The following ITGBL1 variants were observed in gnomAD, a reference collection of about 807,000 sequenced individuals.
ITGBL1 encodes the protein integrin subunit beta like 1.
Under a neutral mutation model 68.5 loss-of-function variants are expected in ITGBL1, and 51 were observed. The observed-to-expected ratio is 0.74, with a 90% CI of 0.59 to 0.94. The LOEUF (loss-of-function observed/expected upper bound fraction) is 0.94, where lower values mean the gene tolerates loss of function less well. ITGBL1 is among the 40% of genes least tolerant of loss of function. The pLI is 0.00. For synonymous variants in ITGBL1, 209 were observed against 227.3 expected, an observed-to-expected ratio of 0.92 and a Z score of 0.72; for missense variants, 649 against 647.4, an observed-to-expected ratio of 1.00 and a Z score of -0.03.
At chr13:101,515,304 A>T (rs942721439) in intron 2 of ITGBL1, among the ~76,000 whole-genome samples, 2 of 152,106 alleles carry the variant, frequency 1.3e-5, no homozygotes, top group Admixed American at 1.3e-4. Flanking sequence ...AGCTAGCTAT[A>T]TAAATAATCC....
chr13:101,540,387 G>C (rs1361844788), intron 2 of ITGBL1, among the ~76,000 whole-genome samples: 2 of 151,960 alleles, frequency 1.3e-5, no homozygotes, highest in South Asian at 4.2e-4. Flanking sequence ...ATTTCTGAGG[G>C]CTCTGTTCTG....
At chr13:101,706,176 T>C (rs1417669510) in intron 8 of ITGBL1, among the ~76,000 whole-genome samples, 1 of 152,072 alleles carries the variant, frequency 6.6e-6, no homozygotes, top group East Asian at 1.9e-4. Context: ...CCAAAAAAAA[T>C]GTGCCAAACA....
intron 7 of ITGBL1, among the ~76,000 whole-genome samples, chr13:101,631,784 C>T (rs1260796432): frequency 1.3e-5 from 2 of 152,038 alleles, no homozygotes; most frequent in Non-Finnish European, 2.9e-5. Context: ...AAATGAAAGT[C>T]AAGAGGGTCT....
intron 7 of ITGBL1, among the ~76,000 whole-genome samples, chr13:101,600,062 T>C (rs373991046): frequency 1.6e-4 from 25 of 152,312 alleles, no homozygotes; most frequent in African/African-American, 5.1e-4. Flanking sequence ...ATTCTTCCTA[T>C]CCATGAGCAT....
At chr13:101,620,090 A>T (rs1452657867) in intron 7 of ITGBL1, among the ~76,000 whole-genome samples, 1 of 152,174 alleles carries the variant, frequency 6.6e-6, no homozygotes, top group Non-Finnish European at 1.5e-5. Context: ...TTTTCTATTT[A>T]AATGGCCCAT....
At chr13:101,546,976 GAAT>G (rs1445400603) in intron 2 of ITGBL1, among the ~76,000 whole-genome samples, 1 of 151,564 alleles carries the variant, frequency 6.6e-6, no homozygotes, top group Non-Finnish European at 1.5e-5. Context: ...AGAAAGAAAA[GAAT>G]AATAAAACCA....
At chr13:101,504,689 C>A (rs980613529) in intron 2 of ITGBL1, among the ~76,000 whole-genome samples, 5 of 152,110 alleles carry the variant, frequency 3.3e-5, no homozygotes, top group South Asian at 2.1e-4. Flanking sequence ...CTCTCCTTAG[C>A]TTTTTATACC....
chr13:101,556,601 C>T (rs1329096158), intron 2 of ITGBL1, among the ~76,000 whole-genome samples: 1 of 151,934 alleles, frequency 6.6e-6, no homozygotes, highest in African/African-American at 2.4e-5. Flanking sequence ...CATTGCACTC[C>T]AGCCTGGGCA....
At chr13:101,562,666 A>G (rs1198240851) in intron 2 of ITGBL1, among the ~76,000 whole-genome samples, 1 of 151,948 alleles carries the variant, frequency 6.6e-6, no homozygotes, top group Non-Finnish European at 1.5e-5. Flanking sequence ...TTCAAAATAC[A>G]TAAATTTAAA....
chr13:101,494,239 A>T (rs899084362), intron 2 of ITGBL1, among the ~76,000 whole-genome samples: 1 of 152,200 alleles, frequency 6.6e-6, no homozygotes, highest in Non-Finnish European at 1.5e-5. Flanking sequence ...TATGCGGCTT[A>T]CTTAAAGTCT....
chr13:101,519,356 T>C (rs949764844), intron 2 of ITGBL1, among the ~76,000 whole-genome samples: 2 of 152,146 alleles, frequency 1.3e-5, no homozygotes, highest in African/African-American at 2.4e-5. Context: ...GTAGTGCAAA[T>C]TAAAAACTGA....
At chr13:101,515,219 G>A (rs2049176450) in intron 2 of ITGBL1, among the ~76,000 whole-genome samples, 1 of 152,034 alleles carries the variant, frequency 6.6e-6, no homozygotes, top group African/African-American at 2.4e-5. Flanking sequence ...AAATCTGGAT[G>A]TAAATCCATT....
At chr13:101,650,864 A>G (rs2032728541) in intron 7 of ITGBL1, among the ~76,000 whole-genome samples, 1 of 151,910 alleles carries the variant, frequency 6.6e-6, no homozygotes, top group Non-Finnish European at 1.5e-5. Context: ...ATGTGTTCTC[A>G]TTGTTAAGCT....
At chr13:101,655,073 C>A (rs562641298) in intron 7 of ITGBL1, among the ~76,000 whole-genome samples, 1 of 152,214 alleles carries the variant, frequency 6.6e-6, no homozygotes, top group Admixed American at 6.5e-5. Flanking sequence ...CTTTTGGTGG[C>A]GTGCAATCTG....
Position 101,452,698 on chromosome 13 carries a change from C to CG in ITGBL1, c.-134dup. ...GCAATTGCAACTCCGGCTGGAGCCC[C>CG]GGACCTGCAAGCCTGGGTGTCCGTG... On this transcript the variant is annotated 5_prime_UTR_variant, in exon 1 of 11. Coordinates refer to ENST00000376180, the MANE Select transcript of ITGBL1 (RefSeq NM_004791.3). 1 of 687,728 alleles carries CG rather than the reference C, an allele frequency of 1.5e-6. No individual in the cohort carries two copies. The highest frequency in any genetic ancestry group is 2.6e-6 in the Non-Finnish European group (1 of 385,248). 42.6% of individuals were successfully genotyped at this position (687,728 alleles called of 1,614,324 possible).
At chr13:101,544,522 G>C (rs940611098) in intron 2 of ITGBL1, among the ~76,000 whole-genome samples, 8 of 152,208 alleles carry the variant, frequency 5.3e-5, no homozygotes, top group African/African-American at 1.9e-4. Flanking sequence ...TGAGGAGGCA[G>C]TCTGTCTGTT....
chr13:101,515,907 A>C (rs1361766881), intron 2 of ITGBL1, among the ~76,000 whole-genome samples: 1 of 152,138 alleles, frequency 6.6e-6, no homozygotes, highest in Non-Finnish European at 1.5e-5. Context: ...CATTACTTAT[A>C]TTTCTGCACT....
rs5011185 is a variant in ITGBL1, at chr13:101,471,542, G to A, written c.316+17442G>A. Among the ~76,000 whole-genome samples the A allele has an allele frequency of 6.2e-3, 393 of 63,188 alleles. 1 individual carries two copies. The highest frequency in any genetic ancestry group is 0.031 in the South Asian group (59 of 1,906). 41.5% of individuals were successfully genotyped at this position (63,188 alleles called of 152,430 possible). A position where few individuals can be genotyped will look rare whatever the true frequency, so the allele number is the denominator to read the frequency against. ...TGTGTGTGTGTATGTATGTGTGTGT[G>A]TGTGTGTGTGTGTGTGTGTGTGTGT... On this transcript the variant is annotated intron_variant, in intron 2 of 10. Transcript: ENST00000376180.
intron 2 of ITGBL1, among the ~76,000 whole-genome samples, chr13:101,557,317 A>C (rs1043775339): frequency 2.6e-5 from 4 of 152,212 alleles, no homozygotes; most frequent in African/African-American, 9.6e-5. Context: ...TAAAAGATAA[A>C]GTTTATAGCC....
Sources: allele counts gnomAD v4.1 joint callset (sites outside exome capture counted in the v4.1 genomes callset), GRCh38; gene constraint gnomAD v4.1.1; transcripts MANE v1.5; gene names NCBI Gene and HGNC (gene_info 2026-07-23, HGNC 2026-07-21).